Variants in CSMD3 observed in about 807,000 individuals in gnomAD.
The protein encoded by CSMD3 is CUB and Sushi multiple domains 3.
Under a neutral mutation model 435.2 loss-of-function variants are expected in CSMD3, and 177 were observed. The observed-to-expected ratio is 0.41, with a 90% CI of 0.36 to 0.46. The LOEUF (loss-of-function observed/expected upper bound fraction) is 0.46. CSMD3 is among the 20% of genes least tolerant of loss of function. The probability of loss-of-function intolerance (pLI) is 0.34; values close to 1 mark genes in which losing one functional copy is unlikely to be tolerated. For missense variants in CSMD3, 4,265 were observed against 4,504.6 expected (o/e 0.95, Z 1.52); for synonymous variants, 1,656 against 1,520.5 (o/e 1.09, Z -2.07).
At chr8:113,391,787 A>AT (rs1171570271) in intron 1 of CSMD3, among the ~76,000 whole-genome samples, 2 of 151,962 alleles carry the variant, frequency 1.3e-5, no homozygotes, top group African/African-American at 4.8e-5. Flanking sequence ...CATGGCAATG[A>AT]TTGCTAGAAG....
rs2131190241 is a variant in CSMD3 at position 112,550,822 on chromosome 8, G to C, written c.4413C>G (p.Val1471=). ...DTEASHDILR[V]WDGPPENDML... Reference sequence around the variant, plus strand: ...TATCATTTTCTGGTGGACCGTCCCAGACTCGGAGTATATCATGTGATGCTT... The same window carrying C: ...TATCATTTTCTGGTGGACCGTCCCACACTCGGAGTATATCATGTGATGCTT... The change falls in exon 27 of 71, where the codon GTC becomes GTG. Residue 1471 remains valine (V), a synonymous_variant. Coordinates refer to ENST00000297405, the MANE Select transcript of CSMD3 (RefSeq NM_198123.2). The C allele has an allele frequency of 1.2e-6, 2 of 1,612,380 alleles. No individual in the cohort carries two copies. The highest frequency in any genetic ancestry group is 1.7e-6 in the Non-Finnish European group (2 of 1,178,778).
chr8:112,225,623 T>G (rs950004085), intron 70 of CSMD3, among the ~76,000 whole-genome samples: 3 of 152,136 alleles, frequency 2.0e-5, no homozygotes, highest in African/African-American at 7.2e-5. Context: ...AGTACACAAT[T>G]AATGCTGAGG....
chr8:112,945,377 T>C (rs562850207), intron 9 of CSMD3, among the ~76,000 whole-genome samples: 1 of 151,868 alleles, frequency 6.6e-6, no homozygotes, highest in Non-Finnish European at 1.5e-5. Flanking sequence ...ATCTACTGAA[T>C]ATATAAATTG....
intron 1 of CSMD3, among the ~76,000 whole-genome samples, chr8:113,352,186 ATATAAT>A (rs1367387075): frequency 2.0e-5 from 3 of 152,106 alleles, no homozygotes; most frequent in African/African-American, 7.2e-5. Context: ...TTATTTTCAG[ATATAAT>A]TATAGTAAGG....
chr8:113,156,758 A>C (rs905895824), intron 4 of CSMD3, among the ~76,000 whole-genome samples: 2 of 150,010 alleles, frequency 1.3e-5, no homozygotes, highest in Admixed American at 1.3e-4. Flanking sequence ...ATAAATAAAT[A>C]AATAAATAAA....
chr8:112,699,677 G>A (rs1163304328), intron 13 of CSMD3, among the ~76,000 whole-genome samples: 2 of 151,306 alleles, frequency 1.3e-5, no homozygotes, highest in East Asian at 1.9e-4. Context: ...GTATATTGAC[G>A]TTGTTTGCCT....
chr8:112,686,445 A>G (rs1216899781), intron 14 of CSMD3, among the ~76,000 whole-genome samples: 1 of 152,038 alleles, frequency 6.6e-6, no homozygotes, highest in Admixed American at 6.6e-5. Context: ...AGGAAATCAA[A>G]GTTTAAGTAT....
rs2130758561 is a variant in CSMD3, at chr8:112,939,699, TG to T, written c.1508+8090del. 1.3e-5 allele frequency among the ~76,000 whole-genome samples: 2 copies of T among 152,050 alleles called. 1 individual carries two copies. The highest frequency in any genetic ancestry group is 3.9e-4 in the East Asian group (2 of 5,182). ...AAATGATAAAGACCTGAGGGAAACA[TG>T]GAAAGTCATGATTACAAACCCTTGA... On this transcript the variant is annotated intron_variant, in intron 9 of 70. Coordinates refer to ENST00000297405, the MANE Select transcript of CSMD3 (RefSeq NM_198123.2).
rs71309778 is a variant in CSMD3 at position 112,606,972 on chromosome 8, G to GAAA, written c.3716-19740_3716-19738dup. Among the ~76,000 whole-genome samples, 40 of 36,630 alleles carry GAAA rather than the reference G, an allele frequency of 1.1e-3. 1 individual carries two copies. Among genetic ancestry groups the GAAA allele is most frequent in the Middle Eastern group, 0.031 (1 of 32 alleles). 24.0% of individuals were successfully genotyped at this position (36,630 alleles called of 152,430 possible). ...AATCCAACTTTACCCCTCAAGCTAT[G>GAAA]AAAAAAAAAAAAAAAAAAAAAAGCT... On this transcript the variant is annotated intron_variant, in intron 22 of 70. Transcript: ENST00000297405.
At chr8:112,813,532 CTT>C (rs765252386) in intron 12 of CSMD3, among the ~76,000 whole-genome samples, 7 of 152,004 alleles carry the variant, frequency 4.6e-5, no homozygotes, top group Non-Finnish European at 1.0e-4. Flanking sequence ...TTACTTTTAA[CTT>C]TAGTTTTGCG....
intron 3 of CSMD3, among the ~76,000 whole-genome samples, chr8:113,223,721 GGC>G (rs1413003422): frequency 6.8e-6 from 1 of 147,476 alleles, no homozygotes; most frequent in Non-Finnish European, 1.5e-5. Flanking sequence ...CACTTTTTAA[GGC>G]AAAATCCTAC....
intron 1 of CSMD3, among the ~76,000 whole-genome samples, chr8:113,423,420 G>A (rs1004607491): frequency 2.0e-5 from 3 of 151,902 alleles, no homozygotes; most frequent in African/African-American, 7.2e-5. Flanking sequence ...CTGCATTTTA[G>A]GCAAGCAGTC....
intron 19 of CSMD3, among the ~76,000 whole-genome samples, chr8:112,648,835 A>C (rs2131626509): frequency 6.6e-6 from 1 of 152,296 alleles, no homozygotes; most frequent in Admixed American, 6.5e-5. Context: ...TAGGACTTTT[A>C]AACCACCATG....
intron 40 of CSMD3, among the ~76,000 whole-genome samples, chr8:112,347,393 C>T (rs938159251): frequency 4.6e-5 from 7 of 152,112 alleles, no homozygotes; most frequent in African/African-American, 1.2e-4. Flanking sequence ...TATTTGCAAT[C>T]GCATCCATTT....
rs537981061 is a variant in CSMD3 at position 113,302,048 on chromosome 8, A to C, written c.401+12523T>G. On this transcript the variant is annotated intron_variant, in intron 2 of 70. Transcript: ENST00000297405. ...ATCTGATTTTATGGTTGCCTGGCTTAAGTCTTCTTATTCATCACTCCAAAA... is the reference window on the plus strand; with the variant it reads ...ATCTGATTTTATGGTTGCCTGGCTTCAGTCTTCTTATTCATCACTCCAAAA... 3.3e-5 allele frequency among the ~76,000 whole-genome samples: 5 copies of C among 151,362 alleles called. No homozygotes were observed. The South Asian group carries it at 1.0e-3, about 31-fold the overall frequency.
At chr8:112,652,951 G>C (rs1205836323) in intron 18 of CSMD3, among the ~76,000 whole-genome samples, 1 of 152,048 alleles carries the variant, frequency 6.6e-6, no homozygotes, top group Non-Finnish European at 1.5e-5. Context: ...CAAGTAGTGG[G>C]AATTATAGGC....
At chr8:112,645,882 T>G (rs1293455190) in intron 19 of CSMD3, among the ~76,000 whole-genome samples, 1 of 152,178 alleles carries the variant, frequency 6.6e-6, no homozygotes, top group Non-Finnish European at 1.5e-5. Flanking sequence ...GCCAGGCAAT[T>G]CTATCAAAAT....
chr8:113,118,326 GT>G (rs1474686658), intron 4 of CSMD3, among the ~76,000 whole-genome samples: 2 of 152,132 alleles, frequency 1.3e-5, no homozygotes, highest in African/African-American at 2.4e-5. Flanking sequence ...GATTAAATAT[GT>G]TTTTTGCTTC....
At chr8:112,819,186 C>T (rs1352078856) in intron 12 of CSMD3, among the ~76,000 whole-genome samples, 1 of 152,086 alleles carries the variant, frequency 6.6e-6, no homozygotes, top group East Asian at 1.9e-4. Flanking sequence ...TTTGAACATG[C>T]AGGCTGGGCT....
Sources: gnomAD v4.1 joint callset for allele counts (sites outside exome capture counted in the v4.1 genomes callset) on GRCh38, gnomAD v4.1.1 for gene constraint, MANE v1.5 for transcripts, NCBI Gene and HGNC (gene_info 2026-07-23, HGNC 2026-07-21) for gene names.